ALG5: variants seen among roughly 807,000 people sequenced by gnomAD.
ALG5 encodes the protein dolichyl-phosphate beta-glucosyltransferase.
In ALG5, 26 loss-of-function variants were observed where a neutral mutation model predicts 51.8. The ratio of observed to expected loss-of-function variants is 0.50; its 90% CI spans 0.37 to 0.70. ALG5 has a LOEUF of 0.70. Ranked by LOEUF, ALG5 falls within the 30% of genes least tolerant of loss-of-function variation. The probability of loss-of-function intolerance (pLI) is 0.00; values close to 1 mark genes in which losing one functional copy is unlikely to be tolerated. For synonymous variants in ALG5, 141 were observed against 136.1 expected (o/e 1.04, Z -0.25); for missense variants, 311 against 399.3 (o/e 0.78, Z 1.88).
At chr13:36,985,509 A>C (rs780119195) in intron 6 of ALG5, 118 bp downstream of exon 6, 27 of 684,496 alleles carry the variant, frequency 3.9e-5, no homozygotes, top group Non-Finnish European at 6.1e-5. Context: ...CATTTGTATA[A>C]GGATTTCATA....
chr13:36,994,906 A>G, intron 3 of ALG5, 83 bp downstream of exon 3: 1 of 1,209,574 alleles, frequency 8.3e-7, no homozygotes, highest in Non-Finnish European at 1.2e-6. Flanking sequence ...TGCCTCTCAC[A>G]GTGCATCTGG....
At chr13:36,985,887 T>C (rs906051168) in intron 5 of ALG5, 147 bp from the exon 6 acceptor site, 1 of 499,822 alleles carries the variant, frequency 2.0e-6, no homozygotes, top group Non-Finnish European at 3.5e-6. Flanking sequence ...TGAAAACAAA[T>C]TACCTGTATA....
intron 6 of ALG5, among the ~76,000 whole-genome samples, chr13:36,977,843 T>C (rs1370408456): frequency 7.2e-6 from 1 of 139,192 alleles, no homozygotes; most frequent in Non-Finnish European, 1.5e-5. Flanking sequence ...GTAAAGTATA[T>C]ATTATCTTCT....
intron 8 of ALG5, among the ~76,000 whole-genome samples, chr13:36,953,562 C>T (rs2058827247): frequency 6.6e-6 from 1 of 152,126 alleles, no homozygotes; most frequent in African/African-American, 2.4e-5. Flanking sequence ...TGAGTCAGTC[C>T]CCACTTTCTA....
chr13:36,969,334 G>T (rs2058910018), intron 7 of ALG5, among the ~76,000 whole-genome samples: 1 of 25,616 alleles, frequency 3.9e-5, no homozygotes. Context: ...TTACTCACTG[G>T]CTCCTAAGTG....
intron 5 of ALG5, among the ~76,000 whole-genome samples, chr13:36,986,905 A>G (rs1219556312): frequency 6.6e-6 from 1 of 152,202 alleles, no homozygotes. Flanking sequence ...ATGATGCGTG[A>G]TCAAACTTGT....
chr13:36,962,941 A>C (rs1378429896), intron 8 of ALG5, among the ~76,000 whole-genome samples: 1 of 152,088 alleles, frequency 6.6e-6, no homozygotes, highest in Non-Finnish European at 1.5e-5. Context: ...TAACAAGTAA[A>C]TCTGATCAGC....
intron 7 of ALG5, 21 bp from the exon 8 acceptor site, chr13:36,965,747 T>G (rs1484792031): frequency 6.2e-7 from 1 of 1,601,004 alleles, no homozygotes; most frequent in East Asian, 2.2e-5. Flanking sequence ...AGACAAAATA[T>G]AAATGACTTT....
chr13:36,951,037 A>G (rs77941811), intron 9 of ALG5, among the ~76,000 whole-genome samples: 13,609 of 152,228 alleles, frequency 0.089, 1,535 homozygotes, highest in African/African-American at 0.27. Flanking sequence ...CTTTCTTCTG[A>G]AAACATTACC....
Position 36,995,590 on chromosome 13 carries a change from T to C in ALG5, c.73A>G (p.Ile25Val), listed in dbSNP as rs2059045815. 4.4e-6 allele frequency: 7 copies of C among 1,598,766 alleles called. No homozygotes were observed. The highest frequency in any genetic ancestry group is 5.9e-6 in the Non-Finnish European group (7 of 1,176,662). ...TTTGTAGCAGTTGTAAATGCAACGA[T>C]GGAAATCTAAAAGCAGACATACATG... ...LAAAALVLIS[I>V]VAFTTATKMP... The change falls in exon 2 of 10, where the codon ATC (isoleucine) becomes GTC (valine). Residue 25 changes from isoleucine (I) to valine (V), a missense_variant. Transcript: ENST00000239891.
At chr13:36,966,016 CT>C (rs1387872550) in intron 7 of ALG5, among the ~76,000 whole-genome samples, 25 of 152,192 alleles carry the variant, frequency 1.6e-4, no homozygotes, top group African/African-American at 6.0e-4. Context: ...TTTGGGGCTG[CT>C]GCTGTGAGCA....
chr13:36,981,445 C>T (rs2058978850), intron 6 of ALG5, among the ~76,000 whole-genome samples: 1 of 152,122 alleles, frequency 6.6e-6, no homozygotes, highest in Non-Finnish European at 1.5e-5. Flanking sequence ...TTTATTAGGG[C>T]TTAGGGAAAT....
At chr13:36,974,800 T>C (rs1404551616) in intron 6 of ALG5, among the ~76,000 whole-genome samples, 1 of 151,870 alleles carries the variant, frequency 6.6e-6, no homozygotes, top group Non-Finnish European at 1.5e-5. Context: ...ATGTCAATCA[T>C]AGTACCACTA....
chr13:36,974,058 T>C (rs1297828485), intron 6 of ALG5, among the ~76,000 whole-genome samples: 1 of 152,200 alleles, frequency 6.6e-6, no homozygotes, highest in African/African-American at 2.4e-5. Flanking sequence ...GTAGCAAACC[T>C]GCATCTCCAT....
rs1350451494 is a variant in ALG5, at chr13:36,967,302, T to TA, written c.622-1577dup. On this transcript the variant is annotated intron_variant, in intron 7 of 9. Coordinates refer to ENST00000239891, the MANE Select transcript of ALG5 (RefSeq NM_013338.5). ...GCCTATATTGGAATCCTGGCTCCGTTACTAATTAGCAGGGTGACCTTCAAC... is the reference window on the plus strand; with the variant it reads ...GCCTATATTGGAATCCTGGCTCCGTTAACTAATTAGCAGGGTGACCTTCAAC... Among the ~76,000 whole-genome samples the TA allele has an allele frequency of 3.3e-5, 5 of 152,192 alleles. No homozygotes were observed. In the East Asian group the frequency reaches 7.7e-4, roughly 23 times the overall value.
chr13:36,986,344 T>C (rs1003850533), intron 5 of ALG5, among the ~76,000 whole-genome samples: 1 of 152,240 alleles, frequency 6.6e-6, no homozygotes, highest in African/African-American at 2.4e-5. Flanking sequence ...CAATTCTGAA[T>C]TGGCTGGTCT....
At position 36,950,066 on chromosome 13, in the gene ALG5, T is replaced by A; in HGVS notation, c.860-9A>T. On this transcript the variant is annotated splice_polypyrimidine_tract_variant and intron_variant, in intron 9 of 9. Transcript: ENST00000239891. ...TGGAACTAATTTAGAACCTGTGATT[T>A]AAAAATAATTAAAAACAAATTAGCT... The A allele has an allele frequency of 6.7e-7, 1 of 1,488,680 alleles. No individual in the cohort carries two copies. The highest frequency in any genetic ancestry group is 9.3e-7 in the Non-Finnish European group (1 of 1,075,586). The allele number at this position is 1,488,680 out of a possible 1,614,324, so 92.2% of individuals were successfully genotyped here. A position where few individuals can be genotyped will look rare whatever the true frequency, so the allele number is the denominator to read the frequency against.
chr13:36,958,870 C>T (rs2058852577), intron 8 of ALG5, among the ~76,000 whole-genome samples: 1 of 152,008 alleles, frequency 6.6e-6, no homozygotes, highest in African/African-American at 2.4e-5. Flanking sequence ...GGGGGAGGGA[C>T]AATGATCGGG....
intron 9 of ALG5, among the ~76,000 whole-genome samples, chr13:36,951,246 C>T (rs2058816722): frequency 6.6e-6 from 1 of 152,180 alleles, no homozygotes; most frequent in Non-Finnish European, 1.5e-5. Context: ...GGCCAAAGAT[C>T]AACACAAATC....
Sources: allele counts gnomAD v4.1 joint callset (sites outside exome capture counted in the v4.1 genomes callset), GRCh38; gene constraint gnomAD v4.1.1; transcripts MANE v1.5; gene names NCBI Gene and HGNC (gene_info 2026-07-23, HGNC 2026-07-21).